EPHA6: variants seen among roughly 807,000 people sequenced by gnomAD.
The protein encoded by EPHA6 is EPH receptor A6.
Under a neutral mutation model 112.0 loss-of-function variants are expected in EPHA6, and 50 were observed. The observed-to-expected ratio is 0.45, with a 90% CI of 0.36 to 0.56. The LOEUF (loss-of-function observed/expected upper bound fraction) is 0.56, where lower values mean the gene tolerates loss of function less well. Ranked by LOEUF, EPHA6 falls within the 20% of genes least tolerant of loss-of-function variation. The pLI is 0.00. For missense variants in EPHA6, 1,280 were observed against 1,417.4 expected (o/e 0.90, Z 1.56); for synonymous variants, 529 against 490.7 (o/e 1.08, Z -1.03).
intron 5 of EPHA6, among the ~76,000 whole-genome samples, chr3:97,303,178 A>T (rs2081166462): frequency 6.6e-6 from 1 of 151,972 alleles, no homozygotes. Context: ...AATGATTTTA[A>T]TGTTAGAAAG....
At chr3:96,978,644 T>C (rs2042627071) in intron 2 of EPHA6, among the ~76,000 whole-genome samples, 2 of 152,256 alleles carry the variant, frequency 1.3e-5, no homozygotes, top group South Asian at 4.1e-4. Context: ...AATTCTAATT[T>C]ATTTTAAGTA....
intron 5 of EPHA6, among the ~76,000 whole-genome samples, chr3:97,261,408 A>G (rs1168535760): frequency 2.6e-5 from 4 of 152,188 alleles, no homozygotes; most frequent in African/African-American, 9.6e-5. Context: ...TCCCATGGCT[A>G]ATGTGCTAAA....
chr3:96,880,166 A>G (rs1252166314), intron 2 of EPHA6, among the ~76,000 whole-genome samples: 3 of 152,158 alleles, frequency 2.0e-5, no homozygotes, highest in African/African-American at 7.2e-5. Flanking sequence ...CAAAGAAAAG[A>G]TAAATGTTTG....
rs144697948 is a variant in EPHA6, at chr3:96,923,432, A to G, written c.450+56543A>G. On this transcript the variant is annotated intron_variant, in intron 2 of 17. Coordinates refer to ENST00000389672, the MANE Select transcript of EPHA6 (RefSeq NM_001080448.3). ...TTACATATAGTTGTTGACTGCATGC[A>G]TGTCTTCTTTTGAGAAGTGTCTGTT... Among the ~76,000 whole-genome samples the G allele has an allele frequency of 1.4e-4, 21 of 151,116 alleles. No individual in the cohort carries two copies. The East Asian group carries it at 3.9e-3, about 28-fold the overall frequency.
chr3:97,168,611 C>A (rs1195653807), intron 3 of EPHA6, among the ~76,000 whole-genome samples: 1 of 125,728 alleles, frequency 8.0e-6, no homozygotes, highest in African/African-American at 4.4e-5. Flanking sequence ...CTCTCTCTGT[C>A]TCTGTCTCTC....
intron 11 of EPHA6, among the ~76,000 whole-genome samples, chr3:97,544,424 GCATCC>G (rs1343596733): frequency 2.6e-5 from 4 of 152,154 alleles, no homozygotes; most frequent in Non-Finnish European, 4.4e-5. Context: ...AACCAGCCTT[GCATCC>G]CACGGATGAA....
intron 3 of EPHA6, among the ~76,000 whole-genome samples, chr3:97,007,705 C>G (rs1247608779): frequency 6.6e-6 from 1 of 152,056 alleles, no homozygotes; most frequent in African/African-American, 2.4e-5. Flanking sequence ...TGTCTTTGGT[C>G]TTTATATTTT....
At chr3:97,183,632 A>G (rs1032216021) in intron 3 of EPHA6, among the ~76,000 whole-genome samples, 8 of 152,112 alleles carry the variant, frequency 5.3e-5, no homozygotes, top group Non-Finnish European at 8.8e-5. Context: ...ATTAAATTAA[A>G]CATAATGGCC....
intron 14 of EPHA6, among the ~76,000 whole-genome samples, chr3:97,709,302 G>A (rs1281166968): frequency 6.6e-6 from 1 of 152,234 alleles, no homozygotes; most frequent in African/African-American, 2.4e-5. Flanking sequence ...TGTGAGACAT[G>A]GAGTCAAAGG....
chr3:97,036,597 AAAG>A (rs1224303062), intron 3 of EPHA6, among the ~76,000 whole-genome samples: 1 of 152,008 alleles, frequency 6.6e-6, no homozygotes, highest in Non-Finnish European at 1.5e-5. Flanking sequence ...TTGTATACAC[AAAG>A]AAGGATTCAG....
chr3:97,643,626 A>AG (rs943155322), intron 14 of EPHA6, among the ~76,000 whole-genome samples: 18 of 149,952 alleles, frequency 1.2e-4, no homozygotes, highest in African/African-American at 4.4e-4. Context: ...AACAAAAAAA[A>AG]GCAGGCGTTG....
chr3:97,174,234 C>A (rs764615676), intron 3 of EPHA6, among the ~76,000 whole-genome samples: 1 of 151,748 alleles, frequency 6.6e-6, no homozygotes, highest in Non-Finnish European at 1.5e-5. Context: ...AGATCTCATT[C>A]TTTTTTATGG....
rs191694340 is a variant in EPHA6, at chr3:97,494,459, T to G, written c.2200+10400T>G. 2.4e-4 allele frequency among the ~76,000 whole-genome samples: 37 copies of G among 152,308 alleles called. No homozygotes were observed. The East Asian group carries it at 6.9e-3, about 29-fold the overall frequency. ...GGGGGAGAAAATTCAATTTAAATTTTGAGAACAAGAACTAGCCAATTTACC... is the reference window on the plus strand; with the variant it reads ...GGGGGAGAAAATTCAATTTAAATTTGGAGAACAAGAACTAGCCAATTTACC... On this transcript the variant is annotated intron_variant, in intron 10 of 17. Coordinates refer to ENST00000389672, the MANE Select transcript of EPHA6 (RefSeq NM_001080448.3).
intron 3 of EPHA6, among the ~76,000 whole-genome samples, chr3:97,072,627 G>T (rs564060079): frequency 5.5e-4 from 84 of 152,162 alleles, no homozygotes; most frequent in Non-Finnish European, 9.0e-4. Context: ...AACTAACTGA[G>T]AATCATGAGT....
At chr3:97,615,156 C>T (rs558354528) in intron 13 of EPHA6, among the ~76,000 whole-genome samples, 23 of 152,234 alleles carry the variant, frequency 1.5e-4, no homozygotes, top group South Asian at 4.2e-4. Context: ...CACAGAGCAA[C>T]GGGAACCTCC....
intron 3 of EPHA6, among the ~76,000 whole-genome samples, chr3:97,168,894 G>A (rs1007987235): frequency 6.6e-6 from 1 of 152,150 alleles, no homozygotes; most frequent in Admixed American, 6.6e-5. Context: ...TAAGTAATGG[G>A]CAGGGGTTGG....
intron 3 of EPHA6, among the ~76,000 whole-genome samples, chr3:97,178,911 A>G (rs2076909689): frequency 6.6e-6 from 1 of 151,998 alleles, no homozygotes. Flanking sequence ...GTTCTCTGTT[A>G]TTATTCCTTT....
chr3:97,614,926 G>A (rs571306349), intron 13 of EPHA6, among the ~76,000 whole-genome samples: 2 of 152,248 alleles, frequency 1.3e-5, no homozygotes, highest in African/African-American at 4.8e-5. Flanking sequence ...TTGCATTTGA[G>A]ATGTCTGTGA....
rs546203373 is a variant in EPHA6, at chr3:97,629,069, C to T, written c.2575-8804C>T. Among the ~76,000 whole-genome samples the T allele has an allele frequency of 3.3e-5, 5 of 151,646 alleles. No homozygotes were observed. The East Asian group carries it at 5.8e-4, about 18-fold the overall frequency. ...ACTCAGCCTCTTGAATAGCTGGGAC[C>T]ACAGGCATACACCACCGCGCTAGCT... On this transcript the variant is annotated intron_variant, in intron 13 of 17. Transcript: ENST00000389672.
Sources: allele counts gnomAD v4.1 joint callset (sites outside exome capture counted in the v4.1 genomes callset), GRCh38; gene constraint gnomAD v4.1.1; transcripts MANE v1.5; gene names NCBI Gene and HGNC (gene_info 2026-07-23, HGNC 2026-07-21).